Variants in CDH13 observed in about 807,000 individuals in gnomAD.
The protein encoded by CDH13 is cadherin 13, also known as cadherin-13.
CDH13 carries 24 observed loss-of-function variants against 63.8 expected under a neutral mutation model. The observed-to-expected ratio is 0.38, with a 90% CI of 0.27 to 0.53. The LOEUF is 0.53. Ranked by LOEUF, CDH13 falls within the 20% of genes least tolerant of loss-of-function variation. The pLI is 0.85. For synonymous variants in CDH13, 503 were observed against 355.3 expected, an observed-to-expected ratio of 1.42 and a Z score of -4.67; for missense variants, 1,049 against 903.1, an observed-to-expected ratio of 1.16 and a Z score of -2.07.
chr16:83,495,334 C>A (rs1000580298), intron 7 of CDH13, among the ~76,000 whole-genome samples: 5 of 152,024 alleles, frequency 3.3e-5, no homozygotes, highest in Admixed American at 6.6e-5. Context: ...TTTTGTTTGG[C>A]AATTGGTTGA....
At chr16:83,129,441 A>C (rs545356449) in intron 4 of CDH13, among the ~76,000 whole-genome samples, 1 of 152,322 alleles carries the variant, frequency 6.6e-6, no homozygotes, top group South Asian at 2.1e-4. Context: ...TAATAAAGTA[A>C]GGGAGAGACG....
chr16:83,434,286 C>A (rs1318914113), intron 6 of CDH13, among the ~76,000 whole-genome samples: 1 of 152,144 alleles, frequency 6.6e-6, no homozygotes, highest in Non-Finnish European at 1.5e-5. Flanking sequence ...AATTTTGAGA[C>A]CTGCGTTCTT....
chr16:83,005,611 A>T (rs77209742), intron 2 of CDH13, among the ~76,000 whole-genome samples: 4,273 of 152,334 alleles, frequency 0.028, 93 homozygotes, highest in Non-Finnish European at 0.042. Context: ...CCTCCCAGGT[A>T]AAAAGGAGTT....
At chr16:83,211,479 C>G (rs1046458795) in intron 4 of CDH13, among the ~76,000 whole-genome samples, 2 of 152,122 alleles carry the variant, frequency 1.3e-5, no homozygotes, top group African/African-American at 4.8e-5. Context: ...CCACTCAAAG[C>G]TGCTATATAG....
intron 2 of CDH13, among the ~76,000 whole-genome samples, chr16:82,948,651 A>G (rs959758106): frequency 2.6e-5 from 4 of 152,186 alleles, no homozygotes; most frequent in African/African-American, 7.2e-5. Context: ...GACACAGCCT[A>G]ATGCAAACTC....
chr16:83,411,466 C>G (rs111992779), intron 6 of CDH13, among the ~76,000 whole-genome samples: 1,759 of 152,270 alleles, frequency 0.012, 38 homozygotes, highest in Non-Finnish European at 0.012. Context: ...CTCTTGTTCT[C>G]AGTGAAATCA....
chr16:83,579,930 TTACC>T (rs1905398416), intron 7 of CDH13, among the ~76,000 whole-genome samples: 1 of 152,090 alleles, frequency 6.6e-6, no homozygotes, highest in Non-Finnish European at 1.5e-5. Flanking sequence ...GAGCATGTGC[TTACC>T]TGGGAGACAC....
intron 5 of CDH13, among the ~76,000 whole-genome samples, chr16:83,254,952 TTTCTTTCTTTC>T (rs1567542188): frequency 0.02 from 2,938 of 145,600 alleles, 101 homozygotes; most frequent in African/African-American, 0.029. Flanking sequence ...TCTTTTTCTC[TTTCTTTCTTTC>T]TTTCTTTCTT....
chr16:83,365,268 A>T (rs2091236744), intron 6 of CDH13, among the ~76,000 whole-genome samples: 1 of 152,146 alleles, frequency 6.6e-6, no homozygotes, highest in Admixed American at 6.5e-5. Context: ...CGAAGGCTGG[A>T]GTGGACTGAT....
At chr16:83,434,579 A>C (rs1167346950) in intron 6 of CDH13, among the ~76,000 whole-genome samples, 1 of 151,912 alleles carries the variant, frequency 6.6e-6, no homozygotes, top group Non-Finnish European at 1.5e-5. Flanking sequence ...CTCAAACTCA[A>C]TTAAAAAAAG....
chr16:82,769,511 A>G (rs2035181579), intron 1 of CDH13, among the ~76,000 whole-genome samples: 1 of 152,140 alleles, frequency 6.6e-6, no homozygotes, highest in Non-Finnish European at 1.5e-5. Context: ...GCCACGTTGA[A>G]CCTCTAATTC....
At chr16:83,449,678 A>T (rs1212631692) in intron 6 of CDH13, among the ~76,000 whole-genome samples, 1 of 152,178 alleles carries the variant, frequency 6.6e-6, no homozygotes, top group Non-Finnish European at 1.5e-5. Context: ...CATGGTGAAG[A>T]CAAGGATCTG....
At chr16:82,697,109 A>G (rs1172353289) in intron 1 of CDH13, among the ~76,000 whole-genome samples, 1 of 152,226 alleles carries the variant, frequency 6.6e-6, no homozygotes, top group Non-Finnish European at 1.5e-5. Flanking sequence ...TGCTATATCT[A>G]TTAGAAATGC....
chr16:83,796,511 T>C lies in CDH13; in HGVS notation c.*1481T>C, dbSNP rs1385181323. ...TACAGATAGAGTTCCATATATTGTA[T>C]TTGTTTCAATGGTAAATCCTTTTGG... On this transcript the variant is annotated 3_prime_UTR_variant, in exon 14 of 14. Coordinates refer to ENST00000567109, the MANE Select transcript of CDH13 (RefSeq NM_001257.5). The C allele has an allele frequency of 2.0e-5, 3 of 152,244 alleles. No homozygotes were observed. The highest frequency in any genetic ancestry group is 4.4e-5 in the Non-Finnish European group (3 of 68,040). The allele number at this position is 152,244 out of a possible 1,614,324, so 9.4% of individuals were successfully genotyped here.
At chr16:83,128,409 C>A (rs1472022800) in intron 4 of CDH13, among the ~76,000 whole-genome samples, 1 of 152,196 alleles carries the variant, frequency 6.6e-6, no homozygotes, top group African/African-American at 2.4e-5. Context: ...TGCGTTTTTA[C>A]ACAGCTTCTA....
intron 3 of CDH13, among the ~76,000 whole-genome samples, chr16:83,123,037 G>C (rs2035654710): frequency 6.6e-6 from 1 of 152,008 alleles, no homozygotes; most frequent in South Asian, 2.1e-4. Context: ...GCATTTTTCT[G>C]TTTGAGTTAT....
intron 2 of CDH13, among the ~76,000 whole-genome samples, chr16:83,028,383 G>C (rs1248881410): frequency 6.6e-6 from 1 of 152,212 alleles, no homozygotes; most frequent in Non-Finnish European, 1.5e-5. Flanking sequence ...TCCATGCAAA[G>C]ATGGCTCTAA....
intron 5 of CDH13, among the ~76,000 whole-genome samples, chr16:83,219,000 G>C (rs2039619197): frequency 1.3e-5 from 2 of 152,120 alleles, no homozygotes; most frequent in African/African-American, 4.8e-5. Flanking sequence ...CAGCCATGTG[G>C]AACTGTGAGT....
At chr16:83,599,596 AT>A (rs1454526407) in intron 7 of CDH13, among the ~76,000 whole-genome samples, 1 of 152,210 alleles carries the variant, frequency 6.6e-6, no homozygotes, top group African/African-American at 2.4e-5. Flanking sequence ...AATTGTCAAC[AT>A]TTTGAAAACC....
Sources: allele counts gnomAD v4.1 joint callset (sites outside exome capture counted in the v4.1 genomes callset), GRCh38; gene constraint gnomAD v4.1.1; transcripts MANE v1.5; gene names NCBI Gene and HGNC (gene_info 2026-07-23, HGNC 2026-07-21).